Variants in DOP1B observed in about 807,000 individuals in gnomAD.
DOP1B encodes the protein protein DOP1B.
Under a neutral mutation model 233.5 loss-of-function variants are expected in DOP1B, and 174 were observed. The ratio of observed to expected loss-of-function variants is 0.75; its 90% confidence interval spans 0.66 to 0.85. DOP1B has a LOEUF of 0.85. DOP1B is among the 40% of genes least tolerant of loss of function. DOP1B has a pLI of 0.00. For synonymous variants in DOP1B, 1,190 were observed against 1,185.6 expected, an observed-to-expected ratio of 1.00 and a Z score of -0.08; for missense variants, 2,652 against 2,846.6, an observed-to-expected ratio of 0.93 and a Z score of 1.56.
intron 2 of DOP1B, among the ~76,000 whole-genome samples, chr21:36,166,323 G>T (rs2065911271): frequency 6.6e-6 from 1 of 151,898 alleles, no homozygotes; most frequent in African/African-American, 2.4e-5. Flanking sequence ...TGTAGTCCCA[G>T]CTTCTCAGGA....
chr21:36,266,218 C>T (rs1407374420), intron 26 of DOP1B, among the ~76,000 whole-genome samples: 2 of 152,042 alleles, frequency 1.3e-5, no homozygotes, highest in Non-Finnish European at 2.9e-5. Flanking sequence ...CTCTTGTTGC[C>T]CAAGCTGGAG....
At chr21:36,259,319 A>G (rs2067143723) in intron 23 of DOP1B, among the ~76,000 whole-genome samples, 1 of 140,448 alleles carries the variant, frequency 7.1e-6, no homozygotes, top group South Asian at 2.2e-4. Flanking sequence ...TGCCTAGCCT[A>G]GAGTGCAGTG....
rs1300609198 is a variant in DOP1B, at chr21:36,270,141, T to C, written c.5616T>C (p.Ala1872=). 2 of 1,614,084 alleles carry C rather than the reference T, an allele frequency of 1.2e-6. No homozygotes were observed. The highest frequency in any genetic ancestry group is 1.7e-6 in the Non-Finnish European group (2 of 1,180,016). The change falls in exon 27 of 37, where the codon GCT becomes GCC. Residue 1872 remains alanine, a synonymous_variant. Coordinates refer to ENST00000691173, the MANE Select transcript of DOP1B (RefSeq NM_001320714.2). The stretch of plus-strand genomic sequence containing the variant: ...AGGCCTCTCTAGAAGAATCTGATGC[T>C]GAGGAGGACCTGTATGGTAGGTGGA... The part of the protein sequence containing the change: ...QPQASLEESD[A]EEDLYDAAAA...
At position 36,245,719 on chromosome 21, in the gene DOP1B, C is replaced by G. The variant is rs1417498983; in HGVS notation, c.3739C>G (p.Leu1247Val). The G allele has an allele frequency of 3.7e-6, 6 of 1,613,868 alleles. No individual in the cohort carries two copies. In the South Asian group the frequency reaches 5.5e-5, roughly 15 times the overall value. ...GCGGGTCCTCTATGCCTTCTCGGTGCTGGAGGCTGTGCTCAAAACCAACCC... is the reference window on the plus strand; with the variant it reads ...GCGGGTCCTCTATGCCTTCTCGGTGGTGGAGGCTGTGCTCAAAACCAACCC... ...SRRVLYAFSVLEAVLKTNPKE... is the reference protein window; with the variant it reads ...SRRVLYAFSVVEAVLKTNPKE... The change falls in exon 19 of 37, where the codon CTG (leucine) becomes GTG (valine). Residue 1247 changes from leucine (L) to valine (V), a missense_variant. Physicochemically the swap from Leu to Val is conservative, Grantham distance 32. This residue lies in a region of DOP1B where 2,617 missense variants were observed against 2,794.3 expected (regional missense o/e 0.94). Transcript: ENST00000691173. The surrounding 1 kb of genome is among the most constrained non-coding windows in gnomAD (Gnocchi z 5.5).
chr21:36,279,479 T>G (rs796230194), intron 30 of DOP1B, among the ~76,000 whole-genome samples: 9 of 152,268 alleles, frequency 5.9e-5, no homozygotes, highest in African/African-American at 2.2e-4. Flanking sequence ...ACAGGAAGGC[T>G]TAGCGATAGA....
At chr21:36,214,351 T>C in intron 8 of DOP1B, 91 bp from the exon 9 acceptor site, 4 of 1,396,180 alleles carry the variant, frequency 2.9e-6, no homozygotes, top group East Asian at 4.7e-5. Flanking sequence ...TTTCCTTCTG[T>C]CCCAGAGTAT....
At chr21:36,288,706 G>A (rs1273732907) in intron 33 of DOP1B, 50 bp from the exon 34 acceptor site, 6 of 1,338,336 alleles carry the variant, frequency 4.5e-6, no homozygotes, top group Non-Finnish European at 5.2e-6. Context: ...AAAATATTTG[G>A]GTAGATTTAA....
intron 17 of DOP1B, 32 bp from the exon 18 acceptor site, chr21:36,239,733 G>A (rs1157204577): frequency 5.3e-6 from 8 of 1,501,654 alleles, no homozygotes; most frequent in South Asian, 1.3e-5. Context: ...GGGTGGCTGC[G>A]AGTGAACTCA....
In DOP1B at chr21:36,236,910, A is replaced by G. The variant is rs575144552; in HGVS notation, c.2623-352A>G. Among the ~76,000 whole-genome samples, 4 of 149,078 alleles carry G rather than the reference A, an allele frequency of 2.7e-5. No individual in the cohort carries two copies. The East Asian group carries it at 7.9e-4, about 30-fold the overall frequency. Reference sequence around the variant, plus strand: ...AGTGATTCTCCTGCCTCACCCTCCCAAGTAGCTGGGATTACAGGTGCCCGC... The same window carrying G: ...AGTGATTCTCCTGCCTCACCCTCCCGAGTAGCTGGGATTACAGGTGCCCGC... On this transcript the variant is annotated intron_variant, in intron 15 of 36. Transcript: ENST00000691173.
Position 36,246,365 on chromosome 21 carries a change from C to T in DOP1B, c.4385C>T (p.Ala1462Val), listed in dbSNP as rs762772427. 32 of 1,613,346 alleles carry T rather than the reference C, an allele frequency of 2.0e-5. No individual in the cohort carries two copies. The highest frequency in any genetic ancestry group is 1.6e-4 in the Middle Eastern group (1 of 6,080). The change falls in exon 19 of 37, where the codon GCG (alanine) becomes GTG (valine). Residue 1462 changes from alanine (A) to valine (V), a missense_variant. Transcript: ENST00000691173. The surrounding 1 kb of genome is among the most constrained non-coding windows in gnomAD (Gnocchi z 5.1). ...EHHLGRAHEE[A>V]ENQPDLSREW... ...CACCTGGGTCGGGCCCATGAGGAGGCGGAAAACCAGCCCGACCTGTCCCGG... is the reference window on the plus strand; with the variant it reads ...CACCTGGGTCGGGCCCATGAGGAGGTGGAAAACCAGCCCGACCTGTCCCGG...
intron 18 of DOP1B, among the ~76,000 whole-genome samples, chr21:36,240,266 G>A (rs112819439): frequency 0.075 from 11,357 of 152,042 alleles, 687 homozygotes; most frequent in African/African-American, 0.17. Context: ...GATCACCTGA[G>A]GTCAGGAGTT....
chr21:36,254,915 T>C (rs1416228138), intron 23 of DOP1B, among the ~76,000 whole-genome samples: 1 of 151,236 alleles, frequency 6.6e-6, no homozygotes, highest in Admixed American at 6.6e-5. Flanking sequence ...AAGGAGAGAG[T>C]CTTTGTCAAG....
chr21:36,288,627 G>A, intron 33 of DOP1B, 129 bp from the exon 34 acceptor site: 1 of 709,712 alleles, frequency 1.4e-6, no homozygotes, highest in Non-Finnish European at 2.4e-6. Flanking sequence ...CTCCAGACTG[G>A]GTGACAGAGT....
At chr21:36,185,703 G>A (rs943070673) in intron 2 of DOP1B, among the ~76,000 whole-genome samples, 3 of 152,194 alleles carry the variant, frequency 2.0e-5, no homozygotes, top group South Asian at 4.1e-4. Context: ...CTAGAAATGC[G>A]GAAGGTACTG....
intron 18 of DOP1B, among the ~76,000 whole-genome samples, 154 bp downstream of exon 18, chr21:36,240,109 C>A (rs2245474): frequency 3.2e-4 from 48 of 152,018 alleles, no homozygotes; most frequent in Non-Finnish European, 5.0e-4. Flanking sequence ...ATTTAAGGAC[C>A]TAGTGATCTA....
chr21:36,167,599 A>G (rs370774806), intron 2 of DOP1B, among the ~76,000 whole-genome samples: 1 of 152,236 alleles, frequency 6.6e-6, no homozygotes, highest in African/African-American at 2.4e-5. Context: ...TGCACAGTTA[A>G]GTGGCCTTTA....
chr21:36,253,892 G>A lies in DOP1B; in HGVS notation c.5242G>A (p.Val1748Ile). 3 of 1,613,956 alleles carry A rather than the reference G, an allele frequency of 1.9e-6. No homozygotes were observed. Among genetic ancestry groups the A allele is most frequent in the Middle Eastern group, 3.3e-4 (2 of 6,062 alleles). ...VKEVVKRPPQ[V>I]KGGDEKSPLV... ...GGAGGTGGTGAAGAGGCCACCCCAA[G>A]TCAAAGGGGGTGATGAGGTGAGGAG... Residue 1748 changes from valine to isoleucine, a missense_variant, in exon 23 of 37, where the codon GTC (valine) becomes ATC (isoleucine). Coordinates refer to ENST00000691173, the MANE Select transcript of DOP1B (RefSeq NM_001320714.2).
At chr21:36,179,143 C>G (rs1434270599) in intron 2 of DOP1B, among the ~76,000 whole-genome samples, 2 of 152,240 alleles carry the variant, frequency 1.3e-5, no homozygotes, top group African/African-American at 4.8e-5. Flanking sequence ...TTGTGTACAT[C>G]AAAGTTTCCT....
chr21:36,158,007 C>T (rs2065835323), intron 1 of DOP1B, among the ~76,000 whole-genome samples: 1 of 151,838 alleles, frequency 6.6e-6, no homozygotes, highest in Non-Finnish European at 1.5e-5. Flanking sequence ...TTATGTTGCC[C>T]AGTCTGGTCT....
Sources: allele counts gnomAD v4.1 joint callset (sites outside exome capture counted in the v4.1 genomes callset), GRCh38; gene constraint gnomAD v4.1.1; regional missense constraint gnomAD v4.1.1; non-coding constraint Gnocchi (gnomAD v3.1); transcripts MANE v1.5; gene names NCBI Gene and HGNC (gene_info 2026-07-23, HGNC 2026-07-21).